ZFHX3: variants seen among roughly 807,000 people sequenced by gnomAD.
The protein encoded by ZFHX3 is zinc finger homeobox protein 3.
A neutral mutation model predicts 279.1 loss-of-function variants in ZFHX3; 42 were observed. The observed-to-expected ratio is 0.15, with a 90% CI of 0.12 to 0.19. The LOEUF is 0.19. Among genes scored for constraint, ZFHX3 ranks in the 10% least tolerant of loss-of-function variants. ZFHX3 has a pLI of 1.00. For synonymous variants in ZFHX3, 2,293 were observed against 1,957.8 expected (o/e 1.17, Z -4.52); for missense variants, 4,981 against 4,754.0 (o/e 1.05, Z -1.40).
chr16:73,535,792 G>A (rs947207989), intron 2 of ZFHX3, among the ~76,000 whole-genome samples: 3 of 146,984 alleles, frequency 2.0e-5, no homozygotes, highest in South Asian at 2.2e-4. Flanking sequence ...GTGTGATCTC[G>A]GCTCACTGCA....
At chr16:73,234,126 A>C (rs2012868379) in intron 5 of ZFHX3, among the ~76,000 whole-genome samples, 1 of 151,882 alleles carries the variant, frequency 6.6e-6, no homozygotes, top group African/African-American at 2.4e-5. Flanking sequence ...TCCGAGAGGG[A>C]GGGAAAGGGA....
intron 4 of ZFHX3, among the ~76,000 whole-genome samples, chr16:72,869,709 C>T (rs1280836331): frequency 6.6e-6 from 1 of 152,126 alleles, no homozygotes; most frequent in Non-Finnish European, 1.5e-5. Context: ...AATATTTCTC[C>T]CTATTGATTT....
chr16:73,099,488 A>G (rs1447524776), intron 7 of ZFHX3, among the ~76,000 whole-genome samples: 4 of 152,084 alleles, frequency 2.6e-5, no homozygotes, highest in Non-Finnish European at 5.9e-5. Context: ...AGGCAGGTGG[A>G]TTACCTGTGG....
intron 3 of ZFHX3, among the ~76,000 whole-genome samples, chr16:73,390,980 AT>A (rs879669022): frequency 0.014 from 2,100 of 146,064 alleles, 32 homozygotes; most frequent in African/African-American, 0.043. Flanking sequence ...CCCAGAAGCT[AT>A]TTTTTTTTTT....
At chr16:72,874,583 T>G (rs2038258726) in intron 4 of ZFHX3, among the ~76,000 whole-genome samples, 1 of 152,118 alleles carries the variant, frequency 6.6e-6, no homozygotes, top group Non-Finnish European at 1.5e-5. Flanking sequence ...GGAAAGTGGA[T>G]GTCTGCTGAC....
chr16:73,858,735 A>G (rs1222186742), intron 1 of ZFHX3, among the ~76,000 whole-genome samples: 2 of 152,246 alleles, frequency 1.3e-5, no homozygotes, highest in African/African-American at 2.4e-5. Flanking sequence ...AGCAAATGGA[A>G]GGTGATCACA....
chr16:73,573,389 G>A (rs919609698), intron 2 of ZFHX3, among the ~76,000 whole-genome samples: 1 of 152,116 alleles, frequency 6.6e-6, no homozygotes, highest in African/African-American at 2.4e-5. Flanking sequence ...AGAGTATGCA[G>A]GTTCTGCACC....
chr16:73,728,254 G>A (rs2053538875), intron 1 of ZFHX3, among the ~76,000 whole-genome samples: 1 of 152,186 alleles, frequency 6.6e-6, no homozygotes, highest in South Asian at 2.1e-4. Flanking sequence ...ACATGAGCCA[G>A]AGAGAGGTGC....
At chr16:73,715,788 G>A (rs1755055010) in intron 1 of ZFHX3, among the ~76,000 whole-genome samples, 1 of 151,710 alleles carries the variant, frequency 6.6e-6, no homozygotes, top group Non-Finnish European at 1.5e-5. Flanking sequence ...TGGCCAGGCT[G>A]GTCTTGAACT....
At chr16:73,888,753 G>C (rs1413000008) in intron 1 of ZFHX3, among the ~76,000 whole-genome samples, 4 of 152,170 alleles carry the variant, frequency 2.6e-5, no homozygotes, top group Non-Finnish European at 5.9e-5. Flanking sequence ...GTCTGGGCTG[G>C]CGGCTGTGAT....
chr16:72,882,398 T>G (rs546453291), intron 4 of ZFHX3, among the ~76,000 whole-genome samples: 19 of 152,246 alleles, frequency 1.2e-4, no homozygotes, highest in Admixed American at 5.2e-4. Context: ...CACAAAACCC[T>G]GGTAGCTTCA....
intron 2 of ZFHX3, among the ~76,000 whole-genome samples, chr16:73,505,362 A>G (rs528276686): frequency 6.6e-6 from 1 of 152,236 alleles, no homozygotes; most frequent in African/African-American, 2.4e-5. Flanking sequence ...GCAGGGCGTG[A>G]ACAGTAGGGC....
intron 2 of ZFHX3, among the ~76,000 whole-genome samples, chr16:73,503,737 C>A (rs1051100922): frequency 6.6e-6 from 1 of 152,176 alleles, no homozygotes; most frequent in Non-Finnish European, 1.5e-5. Flanking sequence ...GGGGAGGCTT[C>A]CTCCATGTTG....
At chr16:73,241,516 C>T (rs1010633992) in intron 5 of ZFHX3, among the ~76,000 whole-genome samples, 7 of 151,576 alleles carry the variant, frequency 4.6e-5, no homozygotes, top group Middle Eastern at 3.4e-3. Context: ...GGGGGCCGGG[C>T]GCGGTGGCTC....
intron 1 of ZFHX3, among the ~76,000 whole-genome samples, chr16:73,041,145 T>C (rs188180839): frequency 4.5e-4 from 69 of 152,304 alleles, no homozygotes; most frequent in African/African-American, 1.5e-3. Context: ...TATTCTGTAA[T>C]TATTTCCTAC....
chr16:73,582,637 G>A (rs2051874051), intron 2 of ZFHX3, among the ~76,000 whole-genome samples: 1 of 151,762 alleles, frequency 6.6e-6, no homozygotes, highest in African/African-American at 2.4e-5. Flanking sequence ...ACCACACCCA[G>A]CAAATTTTTT....
chr16:72,840,144 C>T (rs938321596), intron 4 of ZFHX3, among the ~76,000 whole-genome samples: 2 of 151,722 alleles, frequency 1.3e-5, no homozygotes, highest in Admixed American at 6.6e-5. Flanking sequence ...AATCCGTTTC[C>T]TTATTTATTT....
rs77124117 is a variant in ZFHX3 at position 72,950,770 on chromosome 16, G to A, written c.2915C>T (p.Ser972Leu). Reference protein sequence around the residue: ...GLHMNVERSLSEDEWKAVMGD... With the variant: ...GLHMNVERSLLEDEWKAVMGD... Reference sequence around the variant, plus strand: ...CATCACCGCCTTCCACTCGTCCTCCGACAGGCTGCGCTCCACGTTCATGTG... The same window carrying A: ...CATCACCGCCTTCCACTCGTCCTCCAACAGGCTGCGCTCCACGTTCATGTG... The change falls in exon 3 of 10, where the codon TCG becomes TTG. Residue 972 changes from serine (S) to leucine (L), a missense_variant. Transcript: ENST00000268489. The A allele has an allele frequency of 2.9e-3, 4,646 of 1,614,176 alleles. 104 individuals carry two copies. The East Asian group carries it at 0.032, about 11-fold the overall frequency.
chr16:72,974,715 C>A (rs1962270700), intron 1 of ZFHX3, among the ~76,000 whole-genome samples: 2 of 152,162 alleles, frequency 1.3e-5, no homozygotes, highest in Non-Finnish European at 2.9e-5. Flanking sequence ...GCAGTAATGG[C>A]CACTGTAAGG....
Sources: allele counts gnomAD v4.1 joint callset (sites outside exome capture counted in the v4.1 genomes callset), GRCh38; gene constraint gnomAD v4.1.1; transcripts MANE v1.5; gene names NCBI Gene and HGNC (gene_info 2026-07-23, HGNC 2026-07-21).